The following NFIA variants were observed in gnomAD, a reference collection of about 807,000 sequenced individuals.
NFIA encodes the protein nuclear factor I A, also known as nuclear factor 1 A-type.
In NFIA, 8 loss-of-function variants were observed where a neutral mutation model predicts 62.8. That is an observed-to-expected ratio of 0.13 (90% CI 0.07 to 0.23). The LOEUF is 0.23. NFIA is among the 10% of genes least tolerant of loss of function. The pLI is 1.00. For synonymous variants in NFIA, 235 were observed against 238.1 expected, an observed-to-expected ratio of 0.99 and a Z score of 0.12; for missense variants, 410 against 642.1, an observed-to-expected ratio of 0.64 and a Z score of 3.91.
chr1:61,084,501 A>G (rs898094827), intron 1 of NFIA, among the ~76,000 whole-genome samples: 4 of 152,162 alleles, frequency 2.6e-5, no homozygotes, highest in Non-Finnish European at 5.9e-5. Context: ...AACTTTTCCA[A>G]CCACTTCTGG....
intron 2 of NFIA, among the ~76,000 whole-genome samples, chr1:61,095,222 G>A (rs2100425739): frequency 6.6e-6 from 1 of 152,324 alleles, no homozygotes; most frequent in East Asian, 1.9e-4. Context: ...GGAGATGGAA[G>A]GAAGGAAAGG....
chr1:61,112,580 G>A lies in NFIA; in HGVS notation c.559+23900G>A, dbSNP rs77792563. Among the ~76,000 whole-genome samples, 959 of 152,248 alleles carry A rather than the reference G, an allele frequency of 6.3e-3. 15 individuals are homozygous for A. The highest frequency in any genetic ancestry group is 0.021 in the African/African-American group (879 of 41,568). On this transcript the variant is annotated intron_variant, in intron 2 of 10. Coordinates refer to ENST00000403491, the MANE Select transcript of NFIA (RefSeq NM_001134673.4). Reference sequence around the variant, plus strand: ...TTTGTTGTTGTTGAAAATTAAGGGTGTATATTAAAGGTAGTTTTTACCCAG... The same window carrying A: ...TTTGTTGTTGTTGAAAATTAAGGGTATATATTAAAGGTAGTTTTTACCCAG...
At chr1:61,117,515 A>AG (rs1646812439) in intron 2 of NFIA, among the ~76,000 whole-genome samples, 1 of 151,696 alleles carries the variant, frequency 6.6e-6, no homozygotes. Context: ...ACAGGAAAAA[A>AG]AAATGTAGAT....
At chr1:61,334,688 G>A (rs1661507709) in intron 4 of NFIA, among the ~76,000 whole-genome samples, 1 of 149,450 alleles carries the variant, frequency 6.7e-6, no homozygotes, top group Admixed American at 6.7e-5. Context: ...CTAAAACATA[G>A]CCTTAAAGAG....
intron 5 of NFIA, among the ~76,000 whole-genome samples, chr1:61,354,791 C>T (rs757758892): frequency 6.6e-6 from 1 of 152,296 alleles, no homozygotes; most frequent in South Asian, 2.1e-4. Context: ...TTATTCTTAA[C>T]CATCTTTGAG....
intron 6 of NFIA, among the ~76,000 whole-genome samples, chr1:61,364,940 G>T (rs1663503314): frequency 4.6e-5 from 7 of 152,132 alleles, no homozygotes; most frequent in Admixed American, 4.6e-4. Flanking sequence ...CCCTGGCCGG[G>T]CATGGGGCCC....
chr1:61,211,936 A>G (rs1403585657), intron 2 of NFIA, among the ~76,000 whole-genome samples: 1 of 152,140 alleles, frequency 6.6e-6, no homozygotes, highest in South Asian at 2.1e-4. Flanking sequence ...AACTCAAACC[A>G]TCTGCCCGCC....
chr1:61,171,852 C>T lies in NFIA; in HGVS notation c.559+83172C>T, dbSNP rs907375811. 3.9e-5 allele frequency among the ~76,000 whole-genome samples: 6 copies of T among 152,138 alleles called. No individual in the cohort carries two copies. In the East Asian group the frequency reaches 5.8e-4, roughly 15 times the overall value. The stretch of plus-strand genomic sequence containing the variant: ...ACAGCAGCATTTGGTCCTTGAAAAA[C>T]GGGATTTCCTGTGCACCCCTTAGAA... On this transcript the variant is annotated intron_variant, in intron 2 of 10. Transcript: ENST00000403491.
intron 2 of NFIA, among the ~76,000 whole-genome samples, chr1:61,136,534 G>A (rs1295672272): frequency 2.6e-5 from 4 of 152,132 alleles, no homozygotes; most frequent in South Asian, 2.1e-4. Flanking sequence ...CCTTTCTAAC[G>A]CCTATGAGAG....
chr1:61,138,993 C>T (rs571514551), intron 2 of NFIA, among the ~76,000 whole-genome samples: 1 of 151,824 alleles, frequency 6.6e-6, no homozygotes, highest in African/African-American at 2.4e-5. Context: ...AGATCGAGAC[C>T]AGCCTGGCCA....
chr1:61,282,157 C>T (rs1658175285), intron 3 of NFIA, among the ~76,000 whole-genome samples: 1 of 152,086 alleles, frequency 6.6e-6, no homozygotes, highest in African/African-American at 2.4e-5. Flanking sequence ...CAAGTTGTCC[C>T]TCTCCCCTTC....
At chr1:61,133,270 G>GT (rs932007932) in intron 2 of NFIA, among the ~76,000 whole-genome samples, 120 of 145,922 alleles carry the variant, frequency 8.2e-4, no homozygotes, top group Middle Eastern at 3.6e-3. Flanking sequence ...AGTGGCTGGA[G>GT]TTTTTTTTTT....
intron 2 of NFIA, among the ~76,000 whole-genome samples, chr1:61,193,354 G>A (rs534050212): frequency 1.3e-5 from 2 of 152,184 alleles, no homozygotes; most frequent in Admixed American, 6.5e-5. Context: ...TTTTGTTTGC[G>A]TGTTTGTTTC....
chr1:61,349,227 C>T (rs1015730062), intron 4 of NFIA, among the ~76,000 whole-genome samples: 3 of 152,088 alleles, frequency 2.0e-5, no homozygotes, highest in Non-Finnish European at 2.9e-5. Context: ...TGTCAAGCCT[C>T]ACCGTTTTTT....
chr1:61,288,240 A>G (rs1245855169), intron 3 of NFIA, among the ~76,000 whole-genome samples: 1 of 152,204 alleles, frequency 6.6e-6, no homozygotes, highest in Non-Finnish European at 1.5e-5. Flanking sequence ...CAAATAATAG[A>G]GCATTTGGAA....
intron 9 of NFIA, among the ~76,000 whole-genome samples, chr1:61,411,694 T>C (rs1436711185): frequency 1.3e-5 from 2 of 151,800 alleles, no homozygotes; most frequent in African/African-American, 4.8e-5. Context: ...GATGGTGATA[T>C]GTAAGTGCTA....
intron 2 of NFIA, among the ~76,000 whole-genome samples, chr1:61,149,085 T>C (rs925012106): frequency 6.2e-5 from 9 of 144,574 alleles, no homozygotes; most frequent in East Asian, 4.0e-4. Context: ...GGATGAGATA[T>C]GGGTCTAATT....
At chr1:61,435,520 T>G (rs891149078) in intron 10 of NFIA, among the ~76,000 whole-genome samples, 1 of 152,194 alleles carries the variant, frequency 6.6e-6, no homozygotes. Context: ...GACGGCAAGA[T>G]GGCTGCTGCA....
intron 2 of NFIA, among the ~76,000 whole-genome samples, chr1:61,276,544 G>C (rs1374256020): frequency 6.6e-6 from 1 of 152,072 alleles, no homozygotes; most frequent in Non-Finnish European, 1.5e-5. Flanking sequence ...TTTTGTGTTT[G>C]CTTTTGAACA....
Sources: gnomAD v4.1 joint callset for allele counts (sites outside exome capture counted in the v4.1 genomes callset) on GRCh38, gnomAD v4.1.1 for gene constraint, MANE v1.5 for transcripts, NCBI Gene and HGNC (gene_info 2026-07-23, HGNC 2026-07-21) for gene names.